Variants in PARVB observed in about 807,000 individuals in gnomAD.
The protein encoded by PARVB is parvin beta.
A neutral mutation model predicts 47.0 loss-of-function variants in PARVB; 46 were observed. That is an observed-to-expected ratio of 0.98 (90% confidence interval 0.77 to 1.25). The LOEUF is 1.25. Ranked by LOEUF, PARVB falls within the 50% of genes most tolerant of loss-of-function variation. The pLI, the probability that PARVB is intolerant of heterozygous loss-of-function variation, is 0.00. For synonymous variants in PARVB, 196 were observed against 196.3 expected, an observed-to-expected ratio of 1.00 and a Z score of 0.01; for missense variants, 473 against 471.6, an observed-to-expected ratio of 1.00 and a Z score of -0.03.
chr22:44,141,746 C>G (rs1161003727), intron 8 of PARVB: 1 of 152,230 alleles, frequency 6.6e-6, no homozygotes, highest in African/African-American at 2.4e-5. Context: ...CCTAGGCTTT[C>G]TTTACTAGAC....
intron 1 of PARVB, among the ~76,000 whole-genome samples, chr22:44,084,514 C>A (rs2051979605): frequency 6.6e-6 from 1 of 152,226 alleles, no homozygotes; most frequent in Non-Finnish European, 1.5e-5. Flanking sequence ...CCCCACTGGC[C>A]AATCCAAGAA....
At chr22:44,074,268 G>C (rs1246990458) in intron 1 of PARVB, among the ~76,000 whole-genome samples, 1 of 152,206 alleles carries the variant, frequency 6.6e-6, no homozygotes, top group East Asian at 1.9e-4. Flanking sequence ...CCCCTGATCG[G>C]TTCTGTTGCC....
At chr22:44,028,412 G>A (rs891517921) in intron 1 of PARVB, among the ~76,000 whole-genome samples, 12 of 152,010 alleles carry the variant, frequency 7.9e-5, no homozygotes, top group Admixed American at 6.6e-5. Context: ...GTACAGTAGC[G>A]TTTTCAGATT....
intron 2 of PARVB, among the ~76,000 whole-genome samples, chr22:44,098,714 G>C (rs1343893713): frequency 6.6e-6 from 1 of 152,134 alleles, no homozygotes; most frequent in Non-Finnish European, 1.5e-5. Flanking sequence ...TTCAAAATTA[G>C]TTTCTCCATG....
intron 3 of PARVB, among the ~76,000 whole-genome samples, chr22:44,102,424 A>AT (rs961808196): frequency 3.3e-5 from 5 of 152,192 alleles, no homozygotes; most frequent in Admixed American, 6.5e-5. Flanking sequence ...CTTTCTAAAG[A>AT]TTTTTTTCTT....
intron 1 of PARVB, among the ~76,000 whole-genome samples, chr22:44,054,711 G>A (rs1237684042): frequency 1.3e-5 from 2 of 152,134 alleles, no homozygotes; most frequent in Non-Finnish European, 2.9e-5. Context: ...TAAAGTAGCC[G>A]GGTGCGGTGG....
chr22:44,085,514 C>T lies in PARVB; in HGVS notation c.113-8414C>T, dbSNP rs555125315. Reference sequence around the variant, plus strand: ...GAGATGGGGTTTTGCCTTGTTGCCCCGCTGGTCTCGAACTCCTGAGCTCAA... The same window carrying T: ...GAGATGGGGTTTTGCCTTGTTGCCCTGCTGGTCTCGAACTCCTGAGCTCAA... On this transcript the variant is annotated intron_variant, in intron 1 of 12. Transcript: ENST00000338758. Among the ~76,000 whole-genome samples, 5 of 151,926 alleles carry T rather than the reference C, an allele frequency of 3.3e-5. 1 individual carries two copies. The highest frequency in any genetic ancestry group is 5.9e-5 in the Non-Finnish European group (4 of 67,922).
intron 4 of PARVB, chr22:44,119,830 C>T (rs367614228): frequency 1.5e-4 from 81 of 532,484 alleles, no homozygotes; most frequent in African/African-American, 1.3e-3. Context: ...TCGGAGATGC[C>T]GCAGGTTCTG....
At chr22:44,069,703 A>G (rs1025078522) in intron 1 of PARVB, among the ~76,000 whole-genome samples, 7 of 151,550 alleles carry the variant, frequency 4.6e-5, no homozygotes, top group Non-Finnish European at 8.8e-5. Flanking sequence ...TAATTTTTGT[A>G]TTTTTAGTAG....
intron 3 of PARVB, among the ~76,000 whole-genome samples, chr22:44,100,487 A>G (rs1427997360): frequency 2.0e-5 from 3 of 152,076 alleles, no homozygotes; most frequent in African/African-American, 7.2e-5. Flanking sequence ...GTCTAGATTC[A>G]GATTTAACCC....
chr22:44,055,733 C>T (rs5764488), intron 1 of PARVB, among the ~76,000 whole-genome samples: 37,935 of 151,580 alleles, frequency 0.25, 6,210 homozygotes, highest in African/African-American at 0.46. Context: ...CATGTGGTTA[C>T]GAGACTGAGA....
chr22:44,151,519 C>T lies in PARVB; in HGVS notation c.811C>T (p.Leu271=), dbSNP rs941713088. ...TTTTGTGAACAAGCACCTGAACAAG[C>T]TGAATTTGGAGGTGACGGAACTGGA... ...ITFVNKHLNK[L]NLEVTELETQ... is the part of the protein sequence containing the mutation. Residue 271 remains leucine (L), a synonymous_variant, in exon 10 of 13, where the codon CTG becomes TTG. Transcript: ENST00000338758. 6.2e-7 allele frequency: 1 copy of T among 1,613,948 alleles called. No individual in the cohort carries two copies. The highest frequency in any genetic ancestry group is 1.7e-5 in the Admixed American group (1 of 60,014).
At chr22:44,021,359 A>G (rs540470061), upstream of PARVB, among the ~76,000 whole-genome samples, 3 of 152,222 alleles carry the variant, frequency 2.0e-5, no homozygotes, top group South Asian at 6.2e-4. Context: ...ATTCAAGTAT[A>G]TTTTCATTTT....
rs149678831 is a variant in PARVB at position 44,077,800 on chromosome 22, C to T, written c.113-16128C>T. On this transcript the variant is annotated intron_variant, in intron 1 of 12. Coordinates refer to ENST00000338758, the MANE Select transcript of PARVB (RefSeq NM_013327.5). ...CCAGGCTGGTGTGCAATGGTTCTAG[C>T]GATTCTCCTGCCTCAGCCTCCCGAG... Among the ~76,000 whole-genome samples, 351 of 152,122 alleles carry T rather than the reference C, an allele frequency of 2.3e-3. 5 individuals carry two copies. Among genetic ancestry groups the T allele is most frequent in the African/African-American group, 7.7e-3 (319 of 41,486 alleles).
chr22:44,091,241 C>T (rs897404941), intron 1 of PARVB, among the ~76,000 whole-genome samples: 1 of 138,624 alleles, frequency 7.2e-6, no homozygotes, highest in African/African-American at 2.7e-5. Context: ...GGCTGGCTCG[C>T]GGCTGGAATG....
intron 1 of PARVB, among the ~76,000 whole-genome samples, chr22:44,070,734 C>A (rs2051635124): frequency 6.6e-6 from 1 of 152,182 alleles, no homozygotes; most frequent in African/African-American, 2.4e-5. Flanking sequence ...GCACAGAGTG[C>A]TTTTCCTGCA....
At chr22:44,147,508 T>G (rs894855077) in intron 8 of PARVB, 3 of 384,320 alleles carry the variant, frequency 7.8e-6, no homozygotes, top group African/African-American at 4.2e-5. Flanking sequence ...ACAAGGAGTG[T>G]GGGAACAGGG....
intron 4 of PARVB, among the ~76,000 whole-genome samples, chr22:44,126,439 G>A (rs1398944710): frequency 6.6e-6 from 1 of 152,186 alleles, no homozygotes; most frequent in Admixed American, 6.5e-5. Context: ...ACTTGCTCTT[G>A]AGGTCTTCAA....
intron 3 of PARVB, chr22:44,110,979 T>C (rs1279598458): frequency 2.0e-5 from 3 of 152,248 alleles, no homozygotes; most frequent in Admixed American, 1.3e-4. Flanking sequence ...ATGATACTTA[T>C]TATCTTTTTG....
Sources: gnomAD v4.1 joint callset for allele counts (sites outside exome capture counted in the v4.1 genomes callset) on GRCh38, gnomAD v4.1.1 for gene constraint, MANE v1.5 for transcripts, NCBI Gene and HGNC (gene_info 2026-07-23, HGNC 2026-07-21) for gene names.